The following PTPRD variants were observed in gnomAD, a reference collection of about 807,000 sequenced individuals.
PTPRD encodes the protein receptor-type tyrosine-protein phosphatase delta.
PTPRD carries 34 observed loss-of-function variants against 214.5 expected under a neutral mutation model. The observed-to-expected ratio is 0.16, with a 90% CI of 0.12 to 0.21. The LOEUF is 0.21. Ranked by LOEUF, PTPRD falls within the 10% of genes least tolerant of loss-of-function variation. The pLI, the probability that PTPRD is intolerant of heterozygous loss-of-function variation, is 1.00. For synonymous variants in PTPRD, 1,128 were observed against 845.7 expected, an observed-to-expected ratio of 1.33 and a Z score of -5.79; for missense variants, 2,545 against 2,398.7, an observed-to-expected ratio of 1.06 and a Z score of -1.27.
intron 3 of PTPRD, among the ~76,000 whole-genome samples, chr9:10,257,958 G>A (rs562475188): frequency 3.3e-4 from 51 of 152,244 alleles, no homozygotes; most frequent in Non-Finnish European, 5.9e-4. Flanking sequence ...TGTGTTATGT[G>A]CAAAAACAAA....
chr9:9,783,792 T>C (rs968266061), intron 5 of PTPRD, among the ~76,000 whole-genome samples: 8 of 150,712 alleles, frequency 5.3e-5, no homozygotes, highest in Non-Finnish European at 1.2e-4. Flanking sequence ...CTAAGGTAAT[T>C]ATTCATCTGT....
intron 11 of PTPRD, among the ~76,000 whole-genome samples, chr9:9,002,159 A>G (rs989297615): frequency 1.3e-5 from 2 of 152,064 alleles, no homozygotes; most frequent in African/African-American, 4.8e-5. Flanking sequence ...ACCATATATT[A>G]TCTAGAAGAT....
intron 7 of PTPRD, among the ~76,000 whole-genome samples, chr9:9,720,325 G>C (rs776739053): frequency 6.6e-6 from 1 of 152,184 alleles, no homozygotes; most frequent in Non-Finnish European, 1.5e-5. Context: ...CACAGAAGAA[G>C]TCAGTATTAA....
chr9:10,222,189 G>T (rs1204086754), intron 3 of PTPRD, among the ~76,000 whole-genome samples: 1 of 152,008 alleles, frequency 6.6e-6, no homozygotes, highest in African/African-American at 2.4e-5. Flanking sequence ...TTTTAACTCA[G>T]ACTTTTTCCT....
At position 8,536,431 on chromosome 9, in the gene PTPRD, A is replaced by G. The variant is rs550127652; in HGVS notation, c.353-7652T>C. ...CATACACACACACATATACACACAC[A>G]TATATACGTATATAAATGTATATAT... is the stretch of plus-strand genomic sequence containing the variant. On this transcript the variant is annotated intron_variant, in intron 14 of 45. Transcript: ENST00000381196. Among the ~76,000 whole-genome samples, 6 of 152,014 alleles carry G rather than the reference A, an allele frequency of 3.9e-5. No homozygotes were observed. The South Asian group carries it at 1.2e-3, about 32-fold the overall frequency.
At chr9:8,867,162 T>C (rs1283800892) in intron 11 of PTPRD, among the ~76,000 whole-genome samples, 1 of 152,174 alleles carries the variant, frequency 6.6e-6, no homozygotes, top group Non-Finnish European at 1.5e-5. Flanking sequence ...TTAATATCTC[T>C]CCTTCCCTCC....
intron 9 of PTPRD, among the ~76,000 whole-genome samples, chr9:9,249,137 T>G (rs2099974346): frequency 6.6e-6 from 1 of 151,888 alleles, no homozygotes; most frequent in Non-Finnish European, 1.5e-5. Flanking sequence ...TAAGAGTGAG[T>G]TCTAGCTTTA....
intron 3 of PTPRD, among the ~76,000 whole-genome samples, chr9:10,082,594 T>G (rs990394604): frequency 6.6e-6 from 1 of 152,020 alleles, no homozygotes; most frequent in African/African-American, 2.4e-5. Context: ...AAACTTCATA[T>G]GCATCTCAAG....
chr9:8,520,240 CTT>C (rs923837751), intron 20 of PTPRD, among the ~76,000 whole-genome samples: 1 of 152,022 alleles, frequency 6.6e-6, no homozygotes, highest in Admixed American at 6.6e-5. Flanking sequence ...TACATGTGTG[CTT>C]ATTATATTAA....
chr9:8,611,804 A>AAGAGG (rs141425353), intron 14 of PTPRD, among the ~76,000 whole-genome samples: 10 of 145,564 alleles, frequency 6.9e-5, no homozygotes, highest in South Asian at 4.6e-4. Context: ...GAAAAGAAAA[A>AAGAGG]AGAGGAGAGG....
intron 2 of PTPRD, among the ~76,000 whole-genome samples, chr9:10,506,584 A>T (rs1003763899): frequency 3.9e-5 from 6 of 152,260 alleles, no homozygotes; most frequent in African/African-American, 1.4e-4. Context: ...CATGTACCAT[A>T]TAAATATACA....
chr9:8,435,270 G>C (rs1339652478), intron 35 of PTPRD, among the ~76,000 whole-genome samples: 1 of 152,140 alleles, frequency 6.6e-6, no homozygotes, highest in Non-Finnish European at 1.5e-5. Flanking sequence ...CTCTTACATG[G>C]AGCTTCTTCT....
At chr9:9,052,376 A>G (rs2099687700) in intron 10 of PTPRD, among the ~76,000 whole-genome samples, 1 of 152,230 alleles carries the variant, frequency 6.6e-6, no homozygotes, top group Non-Finnish European at 1.5e-5. Flanking sequence ...GAATCCAGTA[A>G]GGCTAAATGA....
intron 34 of PTPRD, 59 bp downstream of exon 34, chr9:8,449,666 T>C (rs2095861039): frequency 4.1e-6 from 6 of 1,468,518 alleles, no homozygotes; most frequent in African/African-American, 2.8e-5. Context: ...TTAATATCAA[T>C]TGAGCTGTAC....
At chr9:8,531,026 G>A (rs566981199) in intron 14 of PTPRD, among the ~76,000 whole-genome samples, 23 of 152,106 alleles carry the variant, frequency 1.5e-4, no homozygotes, top group South Asian at 1.5e-3. Flanking sequence ...AGTTAGGGCC[G>A]GGTACTAAAC....
intron 9 of PTPRD, among the ~76,000 whole-genome samples, chr9:9,328,285 A>G (rs1051322696): frequency 1.3e-5 from 2 of 152,146 alleles, no homozygotes; most frequent in African/African-American, 4.8e-5. Flanking sequence ...GGCATGTAGG[A>G]CCATACATAC....
chr9:10,530,098 T>G (rs1479299817), intron 2 of PTPRD, among the ~76,000 whole-genome samples: 1 of 152,140 alleles, frequency 6.6e-6, no homozygotes, highest in Non-Finnish European at 1.5e-5. Flanking sequence ...AATATTGCAG[T>G]GATTGACACC....
intron 4 of PTPRD, among the ~76,000 whole-genome samples, chr9:9,941,625 A>G (rs2091470643): frequency 6.6e-6 from 1 of 152,178 alleles, no homozygotes. Context: ...GCCCAGCCAA[A>G]TGTGTATATC....
chr9:9,303,149 C>A (rs1253891024), intron 9 of PTPRD, among the ~76,000 whole-genome samples: 1 of 151,948 alleles, frequency 6.6e-6, no homozygotes, highest in African/African-American at 2.4e-5. Flanking sequence ...CTGAATGAAG[C>A]CAAACTACAA....
Sources: gnomAD v4.1 joint callset for allele counts (sites outside exome capture counted in the v4.1 genomes callset) on GRCh38, gnomAD v4.1.1 for gene constraint, MANE v1.5 for transcripts, NCBI Gene and HGNC (gene_info 2026-07-23, HGNC 2026-07-21) for gene names.